Variants in SCHIP1 observed in about 807,000 individuals in gnomAD.
SCHIP1 encodes schwannomin interacting protein 1, also known as schwannomin-interacting protein 1.
In SCHIP1, 8 loss-of-function variants were observed where a neutral mutation model predicts 29.7. That is an observed-to-expected ratio of 0.27 (90% CI 0.16 to 0.49). SCHIP1 has a LOEUF of 0.49. SCHIP1 is among the 20% of genes least tolerant of loss of function. The probability of loss-of-function intolerance (pLI) is 0.99; values close to 1 mark genes in which losing one functional copy is unlikely to be tolerated. For synonymous variants in SCHIP1, 76 were observed against 94.9 expected (o/e 0.80, Z 1.16); for missense variants, 193 against 294.6 (o/e 0.66, Z 2.52).
the SCHIP1 span, among the ~76,000 whole-genome samples, chr3:159,726,390 T>A: frequency 6.6e-6 from 1 of 152,200 alleles, no homozygotes; most frequent in Non-Finnish European, 1.5e-5. Context: ...AGTTCATACA[T>A]GAAGGTAACA....
the SCHIP1 span, among the ~76,000 whole-genome samples, chr3:159,730,340 A>G: frequency 6.6e-6 from 1 of 152,176 alleles, no homozygotes; most frequent in Admixed American, 6.5e-5. Flanking sequence ...TTTTTACCTC[A>G]TAGGTTTGAC....
the SCHIP1 span, among the ~76,000 whole-genome samples, chr3:159,663,810 G>A: frequency 6.6e-6 from 1 of 152,104 alleles, no homozygotes; most frequent in Non-Finnish European, 1.5e-5. Context: ...AACAGGAGGG[G>A]TATATATGAT....
At chr3:159,339,906 C>T in the SCHIP1 span, among the ~76,000 whole-genome samples, 1 of 151,880 alleles carries the variant, frequency 6.6e-6, no homozygotes, top group African/African-American at 2.4e-5. Context: ...TCCCAAGGTG[C>T]AAAACGTCTA....
At chr3:159,621,484 A>G in the SCHIP1 span, among the ~76,000 whole-genome samples, 1 of 152,188 alleles carries the variant, frequency 6.6e-6, no homozygotes, top group Non-Finnish European at 1.5e-5. Flanking sequence ...CACAGTATTC[A>G]TTTGCATCTC....
the SCHIP1 span, among the ~76,000 whole-genome samples, chr3:159,616,628 A>T: frequency 6.6e-6 from 1 of 152,218 alleles, no homozygotes; most frequent in African/African-American, 2.4e-5. Context: ...TGTCAATGTG[A>T]TATCTTCCTT....
At chr3:159,511,753 G>A in the SCHIP1 span, among the ~76,000 whole-genome samples, 1 of 152,274 alleles carries the variant, frequency 6.6e-6, no homozygotes, top group African/African-American at 2.4e-5. Flanking sequence ...CAGATCAGAA[G>A]AAAGGATATT....
chr3:159,330,234 A>T, the SCHIP1 span, among the ~76,000 whole-genome samples: 7 of 152,294 alleles, frequency 4.6e-5, 1 homozygote, highest in South Asian at 1.5e-3. Flanking sequence ...GTATGTATAG[A>T]TCAGTAATTC....
the SCHIP1 span, chr3:159,375,817 G>C: frequency 2.3e-6 from 2 of 862,894 alleles, no homozygotes; most frequent in Non-Finnish European, 2.8e-6. Flanking sequence ...AGTAAAGCTA[G>C]ACAGGCAGGA....
At chr3:159,648,143 C>T in the SCHIP1 span, among the ~76,000 whole-genome samples, 1 of 152,134 alleles carries the variant, frequency 6.6e-6, no homozygotes, top group Non-Finnish European at 1.5e-5. Context: ...TTGTCTATCC[C>T]AGGCACACTC....
chr3:159,748,913 T>G, the SCHIP1 span, among the ~76,000 whole-genome samples: 3 of 152,198 alleles, frequency 2.0e-5, no homozygotes, highest in Non-Finnish European at 2.9e-5. Flanking sequence ...CTACTTTATT[T>G]TTTACAATAG....
the SCHIP1 span, among the ~76,000 whole-genome samples, chr3:159,614,712 G>A: frequency 1.3e-5 from 2 of 152,198 alleles, no homozygotes; most frequent in Non-Finnish European, 2.9e-5. Context: ...ATGAAAAGGT[G>A]AGAAGGAAGC....
the SCHIP1 span, among the ~76,000 whole-genome samples, chr3:159,831,213 G>A: frequency 2.0e-5 from 3 of 152,240 alleles, no homozygotes; most frequent in Admixed American, 2.0e-4. Context: ...AATGAATGAG[G>A]GCCTCATGTG....
chr3:159,419,615 C>T, the SCHIP1 span, among the ~76,000 whole-genome samples: 1 of 152,106 alleles, frequency 6.6e-6, no homozygotes, highest in African/African-American at 2.4e-5. Context: ...CCAGGACCAG[C>T]CTGGCCAACA....
chr3:159,281,487 A>C, the SCHIP1 span, among the ~76,000 whole-genome samples: 1 of 152,218 alleles, frequency 6.6e-6, no homozygotes, highest in African/African-American at 2.4e-5. Flanking sequence ...CAAGAGCTAA[A>C]AAGTATAGTT....
the SCHIP1 span, among the ~76,000 whole-genome samples, chr3:159,700,592 G>C: frequency 6.6e-6 from 1 of 152,242 alleles, no homozygotes; most frequent in East Asian, 1.9e-4. Context: ...GGCCGAGGCT[G>C]GTGGGTCACC....
exon 7 of SCHIP1, chr3:159,896,804 A>G (rs1718112729): frequency 1.3e-6 from 2 of 1,589,852 alleles, no homozygotes; most frequent in Non-Finnish European, 1.7e-6. Flanking sequence ...AGAACAAGCT[A>G]GAATTTATTT....
upstream of SCHIP1, among the ~76,000 whole-genome samples, chr3:159,838,744 A>G (rs1217275189): frequency 6.6e-6 from 1 of 151,966 alleles, no homozygotes; most frequent in East Asian, 1.9e-4. Context: ...ATATAAAAAA[A>G]TTAGCCGGGC....
chr3:159,391,977 AG>A, the SCHIP1 span, among the ~76,000 whole-genome samples: 1 of 152,210 alleles, frequency 6.6e-6, no homozygotes, highest in Non-Finnish European at 1.5e-5. Context: ...CCATAACATC[AG>A]TAAAGGTTAG....
chr3:159,684,701 G>A, the SCHIP1 span, among the ~76,000 whole-genome samples: 2 of 151,796 alleles, frequency 1.3e-5, no homozygotes, highest in Admixed American at 6.6e-5. Flanking sequence ...CTACTCAGGG[G>A]GCTGAGGCAG....
Sources: allele counts gnomAD v4.1 joint callset (sites outside exome capture counted in the v4.1 genomes callset), GRCh38; gene constraint gnomAD v4.1.1; transcripts MANE v1.5; gene names NCBI Gene and HGNC (gene_info 2026-07-23, HGNC 2026-07-21).